Variants in SMOC2 observed in about 807,000 individuals in gnomAD.
SMOC2 encodes the protein SPARC-related modular calcium-binding protein 2.
Under a neutral mutation model 61.4 loss-of-function variants are expected in SMOC2, and 39 were observed. The ratio of observed to expected loss-of-function variants is 0.64; its 90% CI spans 0.49 to 0.83. The LOEUF is 0.83. SMOC2 is among the 40% of genes least tolerant of loss of function. SMOC2 has a pLI of 0.00. For missense variants in SMOC2, 556 were observed against 592.9 expected (o/e 0.94, Z 0.65); for synonymous variants, 247 against 239.9 (o/e 1.03, Z -0.27).
In SMOC2 at chr6:168,547,908, T is replaced by A. The variant is rs1195955686; in HGVS notation, c.562+739T>A. The stretch of plus-strand genomic sequence containing the variant: ...CTAAGTTGAAATTTTACAGCTTGGA[T>A]AATATAAAATGTATGGCCATTTTCC... On this transcript the variant is annotated intron_variant, in intron 6 of 12. Coordinates refer to ENST00000356284, the MANE Select transcript of SMOC2 (RefSeq NM_001166412.2). Among the ~76,000 whole-genome samples the A allele has an allele frequency of 2.0e-5, 3 of 152,168 alleles. No homozygotes were observed. The East Asian group carries it at 5.8e-4, about 29-fold the overall frequency.
At chr6:168,608,370 T>C in intron 9 of SMOC2, 131 bp downstream of exon 9, 1 of 1,006,914 alleles carries the variant, frequency 9.9e-7, no homozygotes, top group Non-Finnish European at 1.5e-6. Flanking sequence ...GCCTCCTACC[T>C]CCTTGCAGAG....
At chr6:168,459,844 G>A (rs1781681909) in intron 1 of SMOC2, among the ~76,000 whole-genome samples, 1 of 151,400 alleles carries the variant, frequency 6.6e-6, no homozygotes, top group South Asian at 2.1e-4. Flanking sequence ...CCGGGGTGGT[G>A]AGCCCTGGGC....
intron 1 of SMOC2, among the ~76,000 whole-genome samples, chr6:168,449,370 A>T (rs536415952): frequency 6.6e-6 from 1 of 152,240 alleles, no homozygotes; most frequent in South Asian, 2.1e-4. Flanking sequence ...TTCATAAAAT[A>T]TAGTCACCTT....
intron 8 of SMOC2, among the ~76,000 whole-genome samples, chr6:168,607,297 C>G (rs955137056): frequency 2.0e-5 from 3 of 152,088 alleles, no homozygotes; most frequent in African/African-American, 7.2e-5. Context: ...TCCTCCTTGC[C>G]CTACACCCAG....
At chr6:168,560,444 A>AAC (rs1209331125) in intron 7 of SMOC2, among the ~76,000 whole-genome samples, 1 of 152,222 alleles carries the variant, frequency 6.6e-6, no homozygotes, top group East Asian at 1.9e-4. Context: ...TATTTTTTAA[A>AAC]ACTCTTTCAA....
intron 9 of SMOC2, among the ~76,000 whole-genome samples, chr6:168,615,260 C>T (rs1786041572): frequency 1.1e-5 from 1 of 90,066 alleles, no homozygotes; most frequent in Non-Finnish European, 2.3e-5. Flanking sequence ...CAGCACGGGG[C>T]CTTTTCACAC....
At chr6:168,650,882 T>A (rs1787176133) in intron 10 of SMOC2, 99 bp downstream of exon 10, 2 of 1,115,434 alleles carry the variant, frequency 1.8e-6, no homozygotes, top group East Asian at 5.2e-5. Context: ...CTTCTCAGCT[T>A]ATTTGGACAC....
chr6:168,492,352 A>G (rs1267058340), intron 1 of SMOC2, among the ~76,000 whole-genome samples: 2 of 152,182 alleles, frequency 1.3e-5, no homozygotes, highest in Admixed American at 6.5e-5. Flanking sequence ...TTTTCAGTTC[A>G]CCTTCTATTT....
intron 9 of SMOC2, among the ~76,000 whole-genome samples, chr6:168,636,786 T>A (rs1786733602): frequency 6.6e-6 from 1 of 152,152 alleles, no homozygotes; most frequent in African/African-American, 2.4e-5. Context: ...CCGAGGCTGG[T>A]GTTGCAGCTG....
intron 4 of SMOC2, among the ~76,000 whole-genome samples, chr6:168,539,621 G>A (rs531716077): frequency 1.3e-5 from 2 of 152,232 alleles, no homozygotes; most frequent in Non-Finnish European, 2.9e-5. Flanking sequence ...CCTGCCAGAT[G>A]GGCAAGCCCA....
In SMOC2 at chr6:168,519,401, C is replaced by T. The variant is rs187808977; in HGVS notation, c.257-6945C>T. Among the ~76,000 whole-genome samples, 703 of 152,278 alleles carry T rather than the reference C, an allele frequency of 4.6e-3. 3 individuals are homozygous for T. Among genetic ancestry groups the T allele is most frequent in the Non-Finnish European group, 6.7e-3 (454 of 68,030 alleles). On this transcript the variant is annotated intron_variant, in intron 2 of 12. Coordinates refer to ENST00000356284, the MANE Select transcript of SMOC2 (RefSeq NM_001166412.2). Reference sequence around the variant, plus strand: ...CACAGTTATCAGAAGCAACTTCAATCGGATTTGTGCTTGTGTCTTGCAGAA... The same window carrying T: ...CACAGTTATCAGAAGCAACTTCAATTGGATTTGTGCTTGTGTCTTGCAGAA...
At chr6:168,637,605 C>A (rs1329304638) in intron 9 of SMOC2, among the ~76,000 whole-genome samples, 1 of 152,150 alleles carries the variant, frequency 6.6e-6, no homozygotes, top group Non-Finnish European at 1.5e-5. Flanking sequence ...TTTTCCTTTG[C>A]GAGGAACATT....
At chr6:168,633,030 G>A (rs1157548346) in intron 9 of SMOC2, among the ~76,000 whole-genome samples, 69 of 152,254 alleles carry the variant, frequency 4.5e-4, no homozygotes, top group Non-Finnish European at 1.5e-5. Context: ...CAAGCCACAG[G>A]AGTTCACTCT....
At chr6:168,443,233 T>TC (rs1416270800) in intron 1 of SMOC2, among the ~76,000 whole-genome samples, 1 of 152,066 alleles carries the variant, frequency 6.6e-6, no homozygotes, top group Non-Finnish European at 1.5e-5. Context: ...GGCCTGTTGG[T>TC]CCCCCCTGGA....
At chr6:168,472,979 G>A (rs73270984) in intron 1 of SMOC2, among the ~76,000 whole-genome samples, 1 of 151,724 alleles carries the variant, frequency 6.6e-6, no homozygotes, top group East Asian at 2.0e-4. Context: ...ACCGGGGAAG[G>A]CTCCGATTCA....
intron 1 of SMOC2, among the ~76,000 whole-genome samples, chr6:168,465,608 C>T (rs184841695): frequency 3.3e-5 from 5 of 151,704 alleles, no homozygotes; most frequent in East Asian, 1.9e-4. Context: ...AGAGATTTTA[C>T]GAAAGTGACA....
chr6:168,608,135 C>T (rs759291733), intron 8 of SMOC2, 22 bp from the exon 9 acceptor site: 70 of 1,598,502 alleles, frequency 4.4e-5, no homozygotes, highest in African/African-American at 6.8e-5. Context: ...CTCTCCTTCC[C>T]CCGCCTTCCC....
intron 9 of SMOC2, among the ~76,000 whole-genome samples, chr6:168,633,684 AAC>A: frequency 6.6e-6 from 1 of 152,296 alleles, no homozygotes; most frequent in South Asian, 2.1e-4. Context: ...GGGAAAAAAT[AAC>A]AGAGGTCAGG....
chr6:168,584,189 A>G (rs1322016394), intron 7 of SMOC2, among the ~76,000 whole-genome samples: 1 of 152,252 alleles, frequency 6.6e-6, no homozygotes, highest in Non-Finnish European at 1.5e-5. Flanking sequence ...ACAGATGGCC[A>G]TGCAGGGTTG....
Sources: allele counts gnomAD v4.1 joint callset (sites outside exome capture counted in the v4.1 genomes callset), GRCh38; gene constraint gnomAD v4.1.1; transcripts MANE v1.5; gene names NCBI Gene and HGNC (gene_info 2026-07-23, HGNC 2026-07-21).